CDC42BPB: variants seen among roughly 807,000 people sequenced by gnomAD.
CDC42BPB encodes CDC42 binding protein kinase beta, also known as serine/threonine-protein kinase MRCK beta.
A neutral mutation model predicts 214.9 loss-of-function variants in CDC42BPB; 37 were observed. The ratio of observed to expected loss-of-function variants is 0.17; its 90% CI spans 0.13 to 0.23. The LOEUF (loss-of-function observed/expected upper bound fraction) is 0.23, where lower values mean the gene tolerates loss of function less well. Ranked by LOEUF, CDC42BPB falls within the 10% of genes least tolerant of loss-of-function variation. The probability of loss-of-function intolerance (pLI) is 1.00; values close to 1 mark genes in which losing one functional copy is unlikely to be tolerated. For synonymous variants in CDC42BPB, 931 were observed against 884.0 expected (o/e 1.05, Z -0.94); for missense variants, 1,694 against 2,227.0 (o/e 0.76, Z 4.82).
intron 1 of CDC42BPB, among the ~76,000 whole-genome samples, chr14:103,055,973 A>C (rs753202058): frequency 6.6e-6 from 1 of 152,166 alleles, no homozygotes; most frequent in Non-Finnish European, 1.5e-5. Flanking sequence ...TCCTCCTCCT[A>C]CTCAGTGGTT....
chr14:103,045,199 G>T (rs368730574), intron 1 of CDC42BPB, among the ~76,000 whole-genome samples: 1 of 152,148 alleles, frequency 6.6e-6, no homozygotes, highest in South Asian at 2.1e-4. Flanking sequence ...TTTGGGTGCT[G>T]TGGCAAGGGA....
chr14:103,025,118 T>C (rs1167751425), intron 1 of CDC42BPB, among the ~76,000 whole-genome samples: 1 of 152,196 alleles, frequency 6.6e-6, no homozygotes, highest in African/African-American at 2.4e-5. Flanking sequence ...TCATGATTAG[T>C]ACCATCTTCT....
chr14:102,947,969 A>C (rs1299146539), intron 26 of CDC42BPB, 167 bp from the exon 27 acceptor site: 1 of 983,504 alleles, frequency 1.0e-6, no homozygotes, highest in African/African-American at 1.8e-5. Flanking sequence ...CAGGGCCAAC[A>C]AACTCAAGAC....
At chr14:103,002,794 G>A (rs1057370113) in intron 4 of CDC42BPB, among the ~76,000 whole-genome samples, 6 of 152,262 alleles carry the variant, frequency 3.9e-5, no homozygotes, top group African/African-American at 1.4e-4. Context: ...TTGGGAAGAC[G>A]GACGGGGACC....
chr14:103,026,859 C>A (rs1215958220), intron 1 of CDC42BPB, among the ~76,000 whole-genome samples: 1 of 150,240 alleles, frequency 6.7e-6, no homozygotes, highest in Non-Finnish European at 1.5e-5. Context: ...CAGAGTGAGA[C>A]TCCGTCTCAT....
chr14:102,958,908 A>C (rs1321851829), intron 21 of CDC42BPB, among the ~76,000 whole-genome samples: 2 of 151,870 alleles, frequency 1.3e-5, no homozygotes, highest in Non-Finnish European at 2.9e-5. Context: ...CCTGGGCTCA[A>C]GTGATCCTCC....
intron 1 of CDC42BPB, chr14:103,041,776 G>A (rs1376832280): frequency 2.1e-5 from 10 of 472,294 alleles, no homozygotes; most frequent in African/African-American, 8.1e-5. Flanking sequence ...GAGGCAGTAC[G>A]AGTCCACCGA....
intron 1 of CDC42BPB, among the ~76,000 whole-genome samples, chr14:103,047,149 T>C (rs1888333621): frequency 6.7e-6 from 1 of 148,576 alleles, no homozygotes; most frequent in Admixed American, 6.6e-5. Context: ...CTGGGCTTGG[T>C]GGTGGACGCC....
chr14:103,000,944 T>C (rs1352170210), intron 4 of CDC42BPB, among the ~76,000 whole-genome samples: 2 of 152,168 alleles, frequency 1.3e-5, no homozygotes, highest in Non-Finnish European at 2.9e-5. Flanking sequence ...GCCCATCACA[T>C]TCAACCAGAC....
intron 1 of CDC42BPB, among the ~76,000 whole-genome samples, chr14:103,015,785 T>C (rs1404292903): frequency 6.6e-6 from 1 of 151,996 alleles, no homozygotes; most frequent in African/African-American, 2.4e-5. Flanking sequence ...CTCAGCTCAC[T>C]GCAACCTCCG....
chr14:102,983,429 C>T (rs1894096241), intron 7 of CDC42BPB, 127 bp downstream of exon 7: 1 of 1,440,970 alleles, frequency 6.9e-7, no homozygotes, highest in Admixed American at 2.3e-5. Context: ...CAGTTTGGTC[C>T]AAACCCCGTC....
At chr14:103,051,154 C>CGGGGGGGG (rs1179516926) in intron 1 of CDC42BPB, among the ~76,000 whole-genome samples, 3 of 6,844 alleles carry the variant, frequency 4.4e-4, no homozygotes, top group African/African-American at 1.4e-3. Context: ...GTATTTGGGG[C>CGGGGGGGG]GGGGGGGCGG....
At chr14:102,934,813 C>T (rs1434259266) in intron 36 of CDC42BPB, among the ~76,000 whole-genome samples, 1 of 151,850 alleles carries the variant, frequency 6.6e-6, no homozygotes, top group Non-Finnish European at 1.5e-5. Flanking sequence ...AGATTGAGAC[C>T]ATCCTAACAC....
At chr14:103,049,283 C>A (rs1356084390) in intron 1 of CDC42BPB, among the ~76,000 whole-genome samples, 5 of 152,234 alleles carry the variant, frequency 3.3e-5, no homozygotes, top group East Asian at 1.9e-4. Flanking sequence ...ATCCCACCCC[C>A]GGCCTGCTTG....
intron 1 of CDC42BPB, among the ~76,000 whole-genome samples, chr14:103,043,752 T>C (rs1255058006): frequency 6.6e-6 from 1 of 152,190 alleles, no homozygotes; most frequent in Non-Finnish European, 1.5e-5. Context: ...TAAAATAAAC[T>C]ATTAGCAGTA....
At chr14:103,016,527 C>CCAGGTGAGGGGAGGGAAA (rs1460562878) in intron 1 of CDC42BPB, among the ~76,000 whole-genome samples, 2 of 149,870 alleles carry the variant, frequency 1.3e-5, no homozygotes, top group African/African-American at 4.9e-5. Context: ...GGGGAGGGAA[C>CCAGGTGAGGGGAGGGAAA]CAGGTGAGGG....
rs1595134136 is a variant in CDC42BPB at position 103,004,160 on chromosome 14, A to C, written c.352-137T>G. 4 of 1,381,360 alleles carry C rather than the reference A, an allele frequency of 2.9e-6. No homozygotes were observed. The highest frequency in any genetic ancestry group is 3.2e-5 in the South Asian group (2 of 61,584). The allele number at this position is 1,381,360 out of a possible 1,614,324, so 85.6% of individuals were successfully genotyped here. ...CCTTCCGGGCTCCTCCTCGTGCACCACCCCGAGGCTGCTGAGGCTGAGCCA... is the reference window on the plus strand; with the variant it reads ...CCTTCCGGGCTCCTCCTCGTGCACCCCCCCGAGGCTGCTGAGGCTGAGCCA... On this transcript the variant is annotated intron_variant, in intron 3 of 36. Coordinates refer to ENST00000361246, the MANE Select transcript of CDC42BPB (RefSeq NM_006035.4). This position sits in a 1 kb window ranked among gnomAD's most constrained non-coding sequence, Gnocchi z 5.3.
At position 102,971,974 on chromosome 14, in the gene CDC42BPB, T is replaced by C. The variant is rs1893492563; in HGVS notation, c.1829A>G (p.Gln610Arg). Residue 610 changes from glutamine (Q) to arginine (R), a missense_variant, in exon 13 of 37, where the codon CAG becomes CGG. Physicochemically the swap from Gln to Arg is conservative, Grantham distance 43 (BLOSUM62 1). Transcript: ENST00000361246. ...TTCCTGCCGCATGGCGTCCACCTTCTGCGTGGCCACCTCCATCTCCTCCTC... is the reference window on the plus strand; with the variant it reads ...TTCCTGCCGCATGGCGTCCACCTTCCGCGTGGCCACCTCCATCTCCTCCTC... The part of the protein sequence containing the change: ...DKEEEMEVAT[Q>R]KVDAMRQEMR... 1 of 1,614,138 alleles carries C rather than the reference T, an allele frequency of 6.2e-7. No homozygotes were observed. The highest frequency in any genetic ancestry group is 8.5e-7 in the Non-Finnish European group (1 of 1,180,054).
chr14:102,979,318 T>A (rs1440253001), intron 8 of CDC42BPB, among the ~76,000 whole-genome samples: 1 of 151,780 alleles, frequency 6.6e-6, no homozygotes, highest in African/African-American at 2.4e-5. Context: ...GTTCAAGTGA[T>A]TCTCCTGCCT....
Sources: gnomAD v4.1 joint callset for allele counts (sites outside exome capture counted in the v4.1 genomes callset) on GRCh38, gnomAD v4.1.1 for gene constraint, Gnocchi (gnomAD v3.1) non-coding constraint, MANE v1.5 for transcripts, NCBI Gene and HGNC (gene_info 2026-07-23, HGNC 2026-07-21) for gene names.